SHISA9: variants seen among roughly 807,000 people sequenced by gnomAD.
SHISA9 encodes protein shisa-9.
SHISA9 carries 13 observed loss-of-function variants against 38.0 expected under a neutral mutation model. The observed-to-expected ratio is 0.34, with a 90% CI of 0.22 to 0.54. The LOEUF (loss-of-function observed/expected upper bound fraction) is 0.54. Among genes scored for constraint, SHISA9 ranks in the 20% least tolerant of loss-of-function variants. The pLI is 0.91. For missense variants in SHISA9, 538 were observed against 575.8 expected (o/e 0.93, Z 0.67); for synonymous variants, 275 against 242.0 (o/e 1.14, Z -1.27).
At chr16:13,097,731 C>G (rs1422608126) in intron 2 of SHISA9, among the ~76,000 whole-genome samples, 1 of 152,128 alleles carries the variant, frequency 6.6e-6, no homozygotes, top group East Asian at 1.9e-4. Context: ...GTAGCTTTGA[C>G]TTTGGCGGAA....
chr16:12,908,420 T>G (rs2071132738), intron 1 of SHISA9: 2 of 1,544,480 alleles, frequency 1.3e-6, no homozygotes, highest in Non-Finnish European at 1.7e-6. Flanking sequence ...TTTTGCAATT[T>G]TGCCATAAGC....
chr16:13,149,963 A>G (rs1447977497), intron 2 of SHISA9, among the ~76,000 whole-genome samples: 2 of 148,086 alleles, frequency 1.4e-5, no homozygotes, highest in Non-Finnish European at 3.0e-5. Flanking sequence ...AAAGATAATC[A>G]TGAAAAGAGC....
intron 4 of SHISA9, among the ~76,000 whole-genome samples, chr16:13,219,635 A>C (rs1354374102): frequency 2.6e-5 from 4 of 152,182 alleles, no homozygotes; most frequent in African/African-American, 9.7e-5. Context: ...AGGGCAAAGA[A>C]ATGGAGAATG....
chr16:13,393,209 CAAG>C, the SHISA9 span, among the ~76,000 whole-genome samples: 2 of 152,170 alleles, frequency 1.3e-5, no homozygotes, highest in African/African-American at 4.8e-5. Context: ...TGAAATACCC[CAAG>C]CAGGGCCAGC....
Position 12,915,658 on chromosome 16 carries a change from G to C in SHISA9, c.564-1030G>C, listed in dbSNP as rs143280770. On this transcript the variant is annotated intron_variant, in intron 1 of 4. Coordinates refer to ENST00000558583, the MANE Select transcript of SHISA9 (RefSeq NM_001145204.3). Reference sequence around the variant, plus strand: ...TTATTGCATATGAAGGCTCATTCCTGAAGGTAAGTGAAATGTGGGGATTGC... The same window carrying C: ...TTATTGCATATGAAGGCTCATTCCTCAAGGTAAGTGAAATGTGGGGATTGC... Among the ~76,000 whole-genome samples the C allele has an allele frequency of 2.9e-3, 435 of 152,310 alleles. 2 individuals carry two copies. Among genetic ancestry groups the C allele is most frequent in the South Asian group, 0.015 (73 of 4,826 alleles).
the SHISA9 span, among the ~76,000 whole-genome samples, chr16:13,486,712 T>C: frequency 7.2e-5 from 11 of 152,304 alleles, no homozygotes; most frequent in East Asian, 2.1e-3. Flanking sequence ...TTTCTCTTTT[T>C]ATTTTCTTTG....
At chr16:13,559,498 C>T in the SHISA9 span, among the ~76,000 whole-genome samples, 3 of 151,890 alleles carry the variant, frequency 2.0e-5, no homozygotes, top group Non-Finnish European at 2.9e-5. Context: ...CCACCTCAGT[C>T]TCCCAAGTAG....
At chr16:13,463,946 A>C in the SHISA9 span, among the ~76,000 whole-genome samples, 1 of 152,194 alleles carries the variant, frequency 6.6e-6, no homozygotes, top group Admixed American at 6.5e-5. Context: ...GTTCTTTAAA[A>C]ATTTTTTCCT....
At chr16:13,013,198 T>C (rs1483474928) in intron 2 of SHISA9, among the ~76,000 whole-genome samples, 3 of 152,158 alleles carry the variant, frequency 2.0e-5, no homozygotes, top group Admixed American at 6.5e-5. Context: ...CAGTGCTCGG[T>C]GCTAATGAGC....
At chr16:12,944,269 A>G (rs894100122) in intron 2 of SHISA9, among the ~76,000 whole-genome samples, 2 of 152,206 alleles carry the variant, frequency 1.3e-5, no homozygotes, top group Admixed American at 6.6e-5. Flanking sequence ...TTTATTGACT[A>G]AGGGAATTAA....
intron 2 of SHISA9, among the ~76,000 whole-genome samples, chr16:12,961,993 G>A (rs947234006): frequency 3.9e-5 from 6 of 152,200 alleles, no homozygotes; most frequent in African/African-American, 1.4e-4. Context: ...ATCAGTGTCT[G>A]TCCCTGTGGC....
the SHISA9 span, among the ~76,000 whole-genome samples, chr16:13,461,080 A>G: frequency 1.3e-5 from 2 of 152,214 alleles, no homozygotes; most frequent in Admixed American, 1.3e-4. Context: ...TTGCTCAAAC[A>G]TCTTTGGCAA....
intron 2 of SHISA9, among the ~76,000 whole-genome samples, chr16:13,194,454 C>T (rs1286181417): frequency 1.3e-5 from 2 of 152,162 alleles, no homozygotes; most frequent in African/African-American, 4.8e-5. Context: ...CCTCTCTGTG[C>T]CTTGGTTTTC....
chr16:12,928,030 G>C (rs748860005), intron 2 of SHISA9, among the ~76,000 whole-genome samples: 16 of 152,120 alleles, frequency 1.1e-4, no homozygotes, highest in Non-Finnish European at 1.0e-4. Context: ...AAAAACAATT[G>C]CTTTCATTTC....
chr16:12,935,569 C>T lies in SHISA9; in HGVS notation c.691+18754C>T, dbSNP rs370624341. On this transcript the variant is annotated intron_variant, in intron 2 of 4. Coordinates refer to ENST00000558583, the MANE Select transcript of SHISA9 (RefSeq NM_001145204.3). ...AATCGAATAATTAGAAGGGACAGGC[C>T]GGGCCCAGGGGCTCACGCTGGTAAT... 1.7e-4 allele frequency among the ~76,000 whole-genome samples: 26 copies of T among 152,170 alleles called. No homozygotes were observed. In the East Asian group the frequency reaches 3.7e-3, roughly 22 times the overall value.
the SHISA9 span, among the ~76,000 whole-genome samples, chr16:13,306,900 A>G: frequency 1.3e-5 from 2 of 152,246 alleles, no homozygotes; most frequent in African/African-American, 2.4e-5. Flanking sequence ...CACATTATGT[A>G]TATGTATGTG....
the SHISA9 span, among the ~76,000 whole-genome samples, chr16:13,311,109 AG>A: frequency 2.0e-5 from 3 of 152,120 alleles, no homozygotes; most frequent in Non-Finnish European, 4.4e-5. Flanking sequence ...AGGGCCTAGA[AG>A]ATACTCTGTC....
the SHISA9 span, among the ~76,000 whole-genome samples, chr16:13,299,103 G>A: frequency 6.6e-6 from 1 of 152,220 alleles, no homozygotes; most frequent in Admixed American, 6.5e-5. Flanking sequence ...AGCTCATCTA[G>A]CAAAGTCCAG....
chr16:13,240,594 T>C (rs2051427541), downstream of SHISA9, among the ~76,000 whole-genome samples: 1 of 152,220 alleles, frequency 6.6e-6, no homozygotes, highest in East Asian at 1.9e-4. Context: ...TCCAGGAGAC[T>C]TTGTGTTTGA....
Sources: gnomAD v4.1 joint callset for allele counts (sites outside exome capture counted in the v4.1 genomes callset) on GRCh38, gnomAD v4.1.1 for gene constraint, MANE v1.5 for transcripts, NCBI Gene and HGNC (gene_info 2026-07-23, HGNC 2026-07-21) for gene names.